The following ARPP21 variants were observed in gnomAD, a reference collection of about 807,000 sequenced individuals.
ARPP21 encodes the protein cAMP-regulated phosphoprotein 21.
A neutral mutation model predicts 113.2 loss-of-function variants in ARPP21; 69 were observed. That is an observed-to-expected ratio of 0.61 (90% CI 0.50 to 0.74). ARPP21 has a LOEUF of 0.74. Ranked by LOEUF, ARPP21 falls within the 30% of genes least tolerant of loss-of-function variation. The probability of loss-of-function intolerance (pLI) is 0.00; values close to 1 mark genes in which losing one functional copy is unlikely to be tolerated. For missense variants in ARPP21, 1,070 were observed against 1,037.4 expected, an observed-to-expected ratio of 1.03 and a Z score of -0.43; for synonymous variants, 368 against 375.5, an observed-to-expected ratio of 0.98 and a Z score of 0.23.
chr3:35,664,448 C>T (rs1709249253), intron 1 of ARPP21, among the ~76,000 whole-genome samples: 1 of 152,142 alleles, frequency 6.6e-6, no homozygotes, highest in South Asian at 2.1e-4. Context: ...TCCATCATCC[C>T]TCCCACGATC....
At chr3:35,685,648 C>G (rs1009962883) in intron 5 of ARPP21, 2 of 984,784 alleles carry the variant, frequency 2.0e-6, no homozygotes, top group African/African-American at 3.5e-5. Context: ...AAAACTCTTG[C>G]TACCTGTATT....
At chr3:35,757,532 G>A (rs1308449384) in intron 19 of ARPP21, among the ~76,000 whole-genome samples, 1 of 152,088 alleles carries the variant, frequency 6.6e-6, no homozygotes, top group African/African-American at 2.4e-5. Flanking sequence ...CTCCAGCCTA[G>A]CTGAAAATTG....
intron 19 of ARPP21, among the ~76,000 whole-genome samples, chr3:35,773,047 T>A (rs1244509758): frequency 6.6e-6 from 1 of 152,176 alleles, no homozygotes; most frequent in East Asian, 1.9e-4. Context: ...AGCATAAGCA[T>A]TGAATTTCTT....
At position 35,715,200 on chromosome 3, in the gene ARPP21, A is replaced by C. The variant is rs2092192301; in HGVS notation, c.898-239A>C. ...TTCTCTTCTTCTGACCTCCATGCCG[A>C]ACAGACTAAATCTAAAACCTGGAGA... On this transcript the variant is annotated intron_variant, in intron 11 of 20. Transcript: ENST00000684406. 9.3e-6 allele frequency: 4 copies of C among 429,816 alleles called. No individual in the cohort carries two copies. The South Asian group carries it at 1.3e-4, about 14-fold the overall frequency. The allele number at this position is 429,816 out of a possible 1,614,324, so 26.6% of individuals were successfully genotyped here. A position where few individuals can be genotyped will look rare whatever the true frequency, so the allele number is the denominator to read the frequency against.
intron 19 of ARPP21, among the ~76,000 whole-genome samples, chr3:35,779,823 C>G (rs1240924273): frequency 6.6e-6 from 1 of 152,156 alleles, no homozygotes; most frequent in East Asian, 1.9e-4. Context: ...GTTTCAGATG[C>G]CTTTTTCCCT....
chr3:35,750,715 A>G (rs1310181047), intron 19 of ARPP21, among the ~76,000 whole-genome samples: 3 of 152,206 alleles, frequency 2.0e-5, no homozygotes, highest in Non-Finnish European at 4.4e-5. Flanking sequence ...ATTTCAAGGC[A>G]AAAGTTGCCT....
chr3:35,712,013 G>T (rs1011538905), intron 11 of ARPP21, among the ~76,000 whole-genome samples: 11 of 152,264 alleles, frequency 7.2e-5, no homozygotes, highest in South Asian at 2.1e-4. Context: ...ATCATTGGGG[G>T]TGACCCTGTA....
At position 35,743,895 on chromosome 3, in the gene ARPP21, C is replaced by T; in HGVS notation, c.2067C>T (p.Tyr689=). 1 of 1,614,076 alleles carries T rather than the reference C, an allele frequency of 6.2e-7. No individual in the cohort carries two copies. Among genetic ancestry groups the T allele is most frequent in the Non-Finnish European group, 8.5e-7 (1 of 1,179,888 alleles). The stretch of plus-strand genomic sequence containing the variant: ...ACCCTACCTCAACCACGCAACAGTA[C>T]CGGCCCATGGCCCCGGTTCAGTACA... ...GQYPTSTTQQ[Y]RPMAPVQYNA... Residue 689 remains tyrosine, a synonymous_variant, in exon 19 of 21, where the codon TAC becomes TAT. Transcript: ENST00000684406.
chr3:35,670,405 A>C (rs796746209), intron 1 of ARPP21, among the ~76,000 whole-genome samples: 11 of 152,262 alleles, frequency 7.2e-5, no homozygotes, highest in African/African-American at 2.6e-4. Flanking sequence ...TATCAGATAA[A>C]GTCAGTCTTA....
chr3:35,681,901 C>T lies in ARPP21; in HGVS notation c.129+21C>T, dbSNP rs186326525. 1.9e-6 allele frequency: 3 copies of T among 1,610,148 alleles called. No homozygotes were observed. The East Asian group carries it at 6.7e-5, about 36-fold the overall frequency. On this transcript the variant is annotated intron_variant, in intron 3 of 20. Transcript: ENST00000684406. Reference sequence around the variant, plus strand: ...TGCAGGTGAGTGAGCATGAAGAGACCCTGACTCTCATACAACTGTGTGCAG... The same window carrying T: ...TGCAGGTGAGTGAGCATGAAGAGACTCTGACTCTCATACAACTGTGTGCAG...
At chr3:35,669,731 A>C (rs1321000189) in intron 1 of ARPP21, among the ~76,000 whole-genome samples, 1 of 152,178 alleles carries the variant, frequency 6.6e-6, no homozygotes, top group East Asian at 1.9e-4. Flanking sequence ...GTGTACCAAC[A>C]GTTTTCTTCT....
Position 35,744,578 on chromosome 3 carries a change from C to T in ARPP21, c.2137+613C>T, listed in dbSNP as rs759602837. 3.9e-5 allele frequency: 20 copies of T among 509,970 alleles called. No individual in the cohort carries two copies. The Admixed American group carries it at 4.0e-4, about 10-fold the overall frequency. 31.6% of individuals were successfully genotyped at this position (509,970 alleles called of 1,614,324 possible). A position where few individuals can be genotyped will look rare whatever the true frequency, so the allele number is the denominator to read the frequency against. ...CTGTGTCACACTCCTAATGGAATGC[C>T]GTTATCCAAAGAGCAGCACGAACCC... On this transcript the variant is annotated intron_variant, in intron 19 of 20. Transcript: ENST00000684406.
chr3:35,776,652 A>G (rs1459176538), intron 19 of ARPP21, among the ~76,000 whole-genome samples: 1 of 152,184 alleles, frequency 6.6e-6, no homozygotes, highest in Non-Finnish European at 1.5e-5. Flanking sequence ...ATTAGGAGAC[A>G]AAGGACACAG....
chr3:35,782,057 C>T (rs1389108795), intron 19 of ARPP21, among the ~76,000 whole-genome samples: 1 of 152,092 alleles, frequency 6.6e-6, no homozygotes, highest in South Asian at 2.1e-4. Context: ...GCTAACTGAA[C>T]CTTAAGGAAA....
intron 1 of ARPP21, among the ~76,000 whole-genome samples, chr3:35,652,873 T>C (rs944511624): frequency 2.6e-5 from 4 of 152,072 alleles, no homozygotes; most frequent in African/African-American, 7.2e-5. Context: ...CGGGAATTAC[T>C]TCACTTGGCT....
chr3:35,723,529 C>T (rs1019599391), intron 14 of ARPP21, among the ~76,000 whole-genome samples: 1 of 152,068 alleles, frequency 6.6e-6, no homozygotes, highest in African/African-American at 2.4e-5. Context: ...TAAAGAAAAT[C>T]CACTGTAGTA....
chr3:35,741,676 C>G (rs892023253), intron 18 of ARPP21, among the ~76,000 whole-genome samples: 1 of 152,036 alleles, frequency 6.6e-6, no homozygotes, highest in African/African-American at 2.4e-5. Context: ...TCTTCTAATC[C>G]ACTCCTTTTT....
At chr3:35,793,570 T>A in intron 20 of ARPP21, 131 bp from the exon 21 acceptor site, 1 of 663,984 alleles carries the variant, frequency 1.5e-6, no homozygotes, top group Non-Finnish European at 2.7e-6. Context: ...AGCCGATAAA[T>A]GGCAGAGCTG....
chr3:35,734,000 C>T (rs952477962), intron 15 of ARPP21, among the ~76,000 whole-genome samples: 2 of 152,158 alleles, frequency 1.3e-5, no homozygotes, highest in East Asian at 3.9e-4. Context: ...TTTCATACTT[C>T]CTTAGTTTTC....
Sources: allele counts gnomAD v4.1 joint callset (sites outside exome capture counted in the v4.1 genomes callset), GRCh38; gene constraint gnomAD v4.1.1; transcripts MANE v1.5; gene names NCBI Gene and HGNC (gene_info 2026-07-23, HGNC 2026-07-21).